Variants in ATXN10 observed in about 807,000 individuals in gnomAD.
ATXN10 encodes ataxin 10.
Under a neutral mutation model 52.9 loss-of-function variants are expected in ATXN10, and 28 were observed. That is an observed-to-expected ratio of 0.53 (90% CI 0.39 to 0.73). The LOEUF (loss-of-function observed/expected upper bound fraction) is 0.73. Among genes scored for constraint, ATXN10 ranks in the 30% least tolerant of loss-of-function variants. ATXN10 has a pLI of 0.00. For missense variants in ATXN10, 565 were observed against 577.0 expected (o/e 0.98, Z 0.21); for synonymous variants, 226 against 221.5 (o/e 1.02, Z -0.18).
intron 9 of ATXN10, chr22:45,760,742 C>A (rs58099513): frequency 0.09 from 13,797 of 152,908 alleles, 801 homozygotes; most frequent in Middle Eastern, 0.15. Flanking sequence ...CAGAATGGTT[C>A]AGTAGTGTAC....
At chr22:45,761,744 C>T (rs562085664) in intron 9 of ATXN10, among the ~76,000 whole-genome samples, 3 of 152,226 alleles carry the variant, frequency 2.0e-5, no homozygotes, top group South Asian at 4.1e-4. Context: ...TAAGTTCCAC[C>T]TCAGGGAATA....
Position 45,814,746 on chromosome 22 carries a change from G to A in ATXN10, c.1237+7724G>A, listed in dbSNP as rs551965567. Among the ~76,000 whole-genome samples, 36 of 152,232 alleles carry A rather than the reference G, an allele frequency of 2.4e-4. No individual in the cohort carries two copies. In the South Asian group the frequency reaches 4.4e-3, roughly 18 times the overall value. On this transcript the variant is annotated intron_variant, in intron 10 of 11. Transcript: ENST00000252934. ...CAATCACCACCTGAGCTCCGTCTCC[G>A]GTGAGATCAGCAGGAGGTGAGTGAG...
chr22:45,792,034 T>C (rs981097350), intron 9 of ATXN10, among the ~76,000 whole-genome samples: 4 of 152,212 alleles, frequency 2.6e-5, no homozygotes, highest in African/African-American at 4.8e-5. Context: ...CTGACACTTA[T>C]AAGCATTCCA....
intron 9 of ATXN10, among the ~76,000 whole-genome samples, chr22:45,803,484 A>G (rs981472187): frequency 3.3e-5 from 5 of 152,134 alleles, no homozygotes; most frequent in Admixed American, 2.6e-4. Flanking sequence ...AGCCAAACAA[A>G]CTATGAGCGT....
intron 10 of ATXN10, among the ~76,000 whole-genome samples, chr22:45,832,464 C>T (rs893851358): frequency 2.6e-5 from 4 of 152,216 alleles, no homozygotes; most frequent in African/African-American, 9.6e-5. Context: ...TCCCTAACTC[C>T]CCTCTTTCCC....
intron 9 of ATXN10, among the ~76,000 whole-genome samples, chr22:45,806,539 C>G (rs969406801): frequency 2.0e-5 from 3 of 152,126 alleles, no homozygotes; most frequent in African/African-American, 7.2e-5. Flanking sequence ...AAACCTTTCC[C>G]CTGTTGCTTC....
chr22:45,751,707 T>G (rs13433627), intron 9 of ATXN10, among the ~76,000 whole-genome samples: 2,541 of 143,724 alleles, frequency 0.018, 84 homozygotes, highest in African/African-American at 0.063. Flanking sequence ...TGCTCTTATT[T>G]CAAATGTTGG....
chr22:45,765,515 G>A (rs557671391), intron 9 of ATXN10, among the ~76,000 whole-genome samples: 1 of 152,300 alleles, frequency 6.6e-6, no homozygotes, highest in South Asian at 2.1e-4. Flanking sequence ...CTGGGACTGA[G>A]GGGTTGATTG....
At position 45,826,873 on chromosome 22, in the gene ATXN10, A is replaced by G. The variant is rs1469051627; in HGVS notation, c.1238-16118A>G. 6.6e-6 allele frequency among the ~76,000 whole-genome samples: 1 copy of G among 152,260 alleles called. No individual in the cohort carries two copies. Among genetic ancestry groups the G allele is most frequent in the East Asian group, 1.9e-4 (1 of 5,206 alleles). On this transcript the variant is annotated intron_variant, in intron 10 of 11. Transcript: ENST00000252934. The surrounding 1 kb of genome is among the most constrained non-coding windows in gnomAD (Gnocchi z 5.0). ...TAAAGATCTCAATAGAGATAAATTC[A>G]TGAGCAATATACAAGCTAGTTTATA...
In ATXN10 at chr22:45,750,143, CCCA is replaced by C. The variant is rs1925893412; in HGVS notation, c.1173+9606_1173+9608del. ...TTGAGACAGGGTCTTGCTTTTGTCA[CCCA>C]GGCTGGAGTGCAGTGGTGTGATCAC... is the stretch of plus-strand genomic sequence containing the variant. On this transcript the variant is annotated intron_variant, in intron 9 of 11. Coordinates refer to ENST00000252934, the MANE Select transcript of ATXN10 (RefSeq NM_013236.4). The surrounding 1 kb of genome is among the most constrained non-coding windows in gnomAD (Gnocchi z 4.2). 6.6e-6 allele frequency among the ~76,000 whole-genome samples: 1 copy of C among 152,058 alleles called. No homozygotes were observed. The highest frequency in any genetic ancestry group is 2.4e-5 in the African/African-American group (1 of 41,382).
At chr22:45,755,813 G>A (rs1446665412) in intron 9 of ATXN10, among the ~76,000 whole-genome samples, 1 of 152,146 alleles carries the variant, frequency 6.6e-6, no homozygotes, top group African/African-American at 2.4e-5. Context: ...AAATATATCA[G>A]TGCGTTCATC....
At position 45,842,456 on chromosome 22, in the gene ATXN10, G is replaced by A. The variant is rs1223966232; in HGVS notation, c.1238-535G>A. On this transcript the variant is annotated intron_variant, in intron 10 of 11. Coordinates refer to ENST00000252934, the MANE Select transcript of ATXN10 (RefSeq NM_013236.4). The surrounding 1 kb of genome is among the most constrained non-coding windows in gnomAD (Gnocchi z 4.8). ...GCTTCATCTTTAGAATACTGAATGC[G>A]GGAAATTCCACAGTGACTCCTAGGA... Among the ~76,000 whole-genome samples the A allele has an allele frequency of 6.6e-6, 1 of 152,096 alleles. No individual in the cohort carries two copies. The highest frequency in any genetic ancestry group is 1.5e-5 in the Non-Finnish European group (1 of 68,012).
chr22:45,782,765 TTAAAGAAATGTA>T (rs1927194151), intron 9 of ATXN10, among the ~76,000 whole-genome samples: 1 of 152,204 alleles, frequency 6.6e-6, no homozygotes, highest in South Asian at 2.1e-4. Flanking sequence ...AAATTAAATG[TTAAAGAAATGTA>T]TACAGTCATC....
rs1022609757 is a variant in ATXN10 at position 45,688,434 on chromosome 22, G to C, written c.117-1278G>C. 1.3e-5 allele frequency among the ~76,000 whole-genome samples: 2 copies of C among 152,128 alleles called. No individual in the cohort carries two copies. Among genetic ancestry groups the C allele is most frequent in the African/African-American group, 4.8e-5 (2 of 41,404 alleles). On this transcript the variant is annotated intron_variant, in intron 1 of 11. Transcript: ENST00000252934. The surrounding 1 kb of genome is among the most constrained non-coding windows in gnomAD (Gnocchi z 4.0). ...AAAAAGTAAGGATTCATGTTGTTTG[G>C]GTCATAAATTTGACTCCAGACTTAA...
rs189203625 is a variant in ATXN10, at chr22:45,696,071, A to G, written c.391+2993A>G. 4.6e-4 allele frequency among the ~76,000 whole-genome samples: 70 copies of G among 152,290 alleles called. 1 individual carries two copies. Among genetic ancestry groups the G allele is most frequent in the African/African-American group, 1.7e-3 (69 of 41,556 alleles). On this transcript the variant is annotated intron_variant, in intron 3 of 11. Transcript: ENST00000252934. The surrounding 1 kb of genome is among the most constrained non-coding windows in gnomAD (Gnocchi z 4.7). ...TAAGAATTTACAGACAAAGTGCATC[A>G]CCATGTTTTTTTGAGCATCAGTTTT...
In ATXN10 at chr22:45,733,459, G is replaced by T. The variant is rs1255938117; in HGVS notation, c.894+3869G>T. Among the ~76,000 whole-genome samples the T allele has an allele frequency of 6.6e-6, 1 of 152,122 alleles. No individual in the cohort carries two copies. The highest frequency in any genetic ancestry group is 1.5e-5 in the Non-Finnish European group (1 of 68,024). ...CATAAAGTTACAAAGTTTCAGCCAG[G>T]CGTGGTGGCTCATACCTGTAATCCC... On this transcript the variant is annotated intron_variant, in intron 7 of 11. Transcript: ENST00000252934. This position sits in a 1 kb window ranked among gnomAD's most constrained non-coding sequence, Gnocchi z 4.4.
chr22:45,761,581 C>T (rs1033054057), intron 9 of ATXN10, among the ~76,000 whole-genome samples: 4 of 152,134 alleles, frequency 2.6e-5, no homozygotes, highest in Non-Finnish European at 2.9e-5. Flanking sequence ...GGTATAATCT[C>T]GAAAAGGTAA....
chr22:45,838,418 T>G (rs1344925939), intron 10 of ATXN10, among the ~76,000 whole-genome samples: 2 of 152,200 alleles, frequency 1.3e-5, no homozygotes, highest in Non-Finnish European at 2.9e-5. Context: ...GCTCTAGTGC[T>G]GATTGCAGGG....
intron 9 of ATXN10, among the ~76,000 whole-genome samples, chr22:45,782,507 G>C (rs1927183329): frequency 6.6e-6 from 1 of 152,186 alleles, no homozygotes; most frequent in Admixed American, 6.5e-5. Context: ...AGGTGCAGCA[G>C]CTGGGCACAA....
Sources: allele counts gnomAD v4.1 joint callset (sites outside exome capture counted in the v4.1 genomes callset), GRCh38; gene constraint gnomAD v4.1.1; non-coding constraint Gnocchi (gnomAD v3.1); transcripts MANE v1.5; gene names NCBI Gene and HGNC (gene_info 2026-07-23, HGNC 2026-07-21).